Variants in GLB1 observed in about 807,000 individuals in gnomAD.
GLB1 encodes the protein beta-galactosidase.
GLB1 carries 56 observed loss-of-function variants against 74.0 expected under a neutral mutation model. The ratio of observed to expected loss-of-function variants is 0.76; its 90% confidence interval spans 0.61 to 0.94. GLB1 has a LOEUF of 0.94. GLB1 is among the 40% of genes least tolerant of loss of function. The pLI is 0.00. For synonymous variants in GLB1, 323 were observed against 323.6 expected, an observed-to-expected ratio of 1.00 and a Z score of 0.02; for missense variants, 787 against 845.5, an observed-to-expected ratio of 0.93 and a Z score of 0.86.
chr3:33,096,772 G>A (rs1300817754), intron 1 of GLB1: 1 of 1,326,750 alleles, frequency 7.5e-7, no homozygotes. Context: ...GCAAAGGGCG[G>A]CCGGAGCGGA....
intron 1 of GLB1, among the ~76,000 whole-genome samples, chr3:33,076,207 C>T (rs937645014): frequency 6.6e-5 from 10 of 152,244 alleles, no homozygotes; most frequent in South Asian, 2.1e-4. Context: ...TAGGATAAAG[C>T]GAAGTTAGCC....
chr3:33,093,678 G>C lies in GLB1; in HGVS notation c.75+3333C>G. 1.9e-6 allele frequency: 3 copies of C among 1,614,116 alleles called. No homozygotes were observed. Among genetic ancestry groups the C allele is most frequent in the Non-Finnish European group, 2.5e-6 (3 of 1,180,024 alleles). On this transcript the variant is annotated intron_variant, in intron 1 of 15. Coordinates refer to ENST00000307363, the MANE Select transcript of GLB1 (RefSeq NM_000404.4). The surrounding 1 kb of genome is among the most constrained non-coding windows in gnomAD (Gnocchi z 6.0). ...AATCCCGGCCACGCTGAGCACAGCA[G>C]TCACTCCCACTGCCAGGGCAGGCCT...
Position 33,052,008 on chromosome 3 carries a change from A to T in GLB1, c.793-4T>A. ...CAGTATAGAATTCAGAATTGATCTAAAACAAAAAAAGAACGTAGCCCTTAG... is the reference window on the plus strand; with the variant it reads ...CAGTATAGAATTCAGAATTGATCTATAACAAAAAAAGAACGTAGCCCTTAG... On this transcript the variant is annotated splice_polypyrimidine_tract_variant and splice_region_variant and intron_variant, in intron 7 of 15. Transcript: ENST00000307363. 6.2e-7 allele frequency: 1 copy of T among 1,614,028 alleles called. No individual in the cohort carries two copies. The highest frequency in any genetic ancestry group is 8.5e-7 in the Non-Finnish European group (1 of 1,180,026).
At chr3:33,002,651 C>T (rs1313498420) in intron 15 of GLB1, among the ~76,000 whole-genome samples, 1 of 152,160 alleles carries the variant, frequency 6.6e-6, no homozygotes, top group Non-Finnish European at 1.5e-5. Context: ...TCAAGTGATC[C>T]TCCTGCTTTC....
At chr3:32,980,707 G>A in the GLB1 span, among the ~76,000 whole-genome samples, 5 of 152,102 alleles carry the variant, frequency 3.3e-5, no homozygotes, top group Non-Finnish European at 5.9e-5. Flanking sequence ...CTTGAACCCA[G>A]GAGGTGGAGG....
chr3:33,017,882 G>A (rs146679468), intron 13 of GLB1, among the ~76,000 whole-genome samples: 26 of 152,224 alleles, frequency 1.7e-4, no homozygotes, highest in African/African-American at 5.1e-4. Context: ...AGAGGGTGGC[G>A]CATCAAGCAC....
At chr3:33,081,767 G>A (rs1700331201) in intron 1 of GLB1, among the ~76,000 whole-genome samples, 1 of 152,220 alleles carries the variant, frequency 6.6e-6, no homozygotes, top group South Asian at 2.1e-4. Context: ...GTGCTGACCT[G>A]TGGACCAGGA....
the GLB1 span, among the ~76,000 whole-genome samples, chr3:32,977,989 TTTCTC>T: frequency 6.6e-6 from 1 of 152,220 alleles, no homozygotes; most frequent in East Asian, 1.9e-4. Context: ...AGCAGGGGCA[TTTCTC>T]TTCTCTTTTG....
chr3:33,044,213 ATTGG>A (rs1698650952), intron 10 of GLB1, among the ~76,000 whole-genome samples: 1 of 152,192 alleles, frequency 6.6e-6, no homozygotes, highest in African/African-American at 2.4e-5. Context: ...CTTTCAAGGG[ATTGG>A]TATCACAGAC....
chr3:33,040,765 G>A (rs1248587571), intron 10 of GLB1, among the ~76,000 whole-genome samples: 1 of 152,150 alleles, frequency 6.6e-6, no homozygotes, highest in Non-Finnish European at 1.5e-5. Flanking sequence ...ATACTGAAAT[G>A]ATCAAATAGA....
At chr3:32,991,440 T>C in the GLB1 span, among the ~76,000 whole-genome samples, 1 of 152,184 alleles carries the variant, frequency 6.6e-6, no homozygotes, top group Non-Finnish European at 1.5e-5. Context: ...TGTGATGATT[T>C]CTTAAAAATG....
intron 10 of GLB1, among the ~76,000 whole-genome samples, chr3:33,028,687 C>T (rs756042311): frequency 1.5e-4 from 21 of 144,492 alleles, no homozygotes; most frequent in Admixed American, 8.4e-4. Flanking sequence ...TTTTTTGATA[C>T]GGAGTTTCGC....
intron 10 of GLB1, among the ~76,000 whole-genome samples, chr3:33,039,530 G>A (rs1168911783): frequency 2.0e-5 from 3 of 152,024 alleles, no homozygotes; most frequent in Non-Finnish European, 4.4e-5. Flanking sequence ...GTTGAAAAGA[G>A]GATTAATAAA....
the GLB1 span, among the ~76,000 whole-genome samples, chr3:32,971,699 A>G: frequency 6.6e-6 from 1 of 152,200 alleles, no homozygotes; most frequent in Non-Finnish European, 1.5e-5. Context: ...CTAGGGCAAC[A>G]GTATTATGAT....
chr3:33,075,383 C>A (rs976244756), intron 1 of GLB1, among the ~76,000 whole-genome samples: 1 of 152,164 alleles, frequency 6.6e-6, no homozygotes, highest in African/African-American at 2.4e-5. Context: ...TGGTGGGAGA[C>A]AATGGAATCT....
Position 33,068,955 on chromosome 3 carries a change from G to A in GLB1, c.261C>T (p.Asn87=), listed in dbSNP as rs1343653430. 1 of 1,614,028 alleles carries A rather than the reference G, an allele frequency of 6.2e-7. No individual in the cohort carries two copies. Among genetic ancestry groups the A allele is most frequent in the Non-Finnish European group, 8.5e-7 (1 of 1,180,030 alleles). The part of the protein sequence containing the change: ...LNAIQTYVPW[N]FHEPWPGQYQ... Reference sequence around the variant, plus strand: ...ACTGTCCTGGCCAGGGCTCATGAAAGTTCCAGGGCACATACCTGCCAAGAC... The same window carrying A: ...ACTGTCCTGGCCAGGGCTCATGAAAATTCCAGGGCACATACCTGCCAAGAC... Residue 87 remains asparagine (N), a synonymous_variant, in exon 3 of 16, where the codon AAC becomes AAT. Transcript: ENST00000307363.
chr3:33,088,014 A>G (rs1313329432), intron 1 of GLB1, among the ~76,000 whole-genome samples: 1 of 152,224 alleles, frequency 6.6e-6, no homozygotes, highest in Non-Finnish European at 1.5e-5. Context: ...AAACCACATG[A>G]TAATCTAAAT....
At chr3:33,095,158 C>T (rs1424833947) in intron 1 of GLB1, among the ~76,000 whole-genome samples, 2 of 133,606 alleles carry the variant, frequency 1.5e-5, no homozygotes, top group Admixed American at 1.7e-4. Context: ...TTGTAGTGAG[C>T]CAAGATCGTG....
At chr3:32,974,060 C>T in the GLB1 span, among the ~76,000 whole-genome samples, 1 of 152,190 alleles carries the variant, frequency 6.6e-6, no homozygotes, top group South Asian at 2.1e-4. Context: ...AGCTGTAGGC[C>T]TTGTTAGGCT....
Sources: gnomAD v4.1 joint callset for allele counts (sites outside exome capture counted in the v4.1 genomes callset) on GRCh38, gnomAD v4.1.1 for gene constraint, Gnocchi (gnomAD v3.1) non-coding constraint, MANE v1.5 for transcripts, NCBI Gene and HGNC (gene_info 2026-07-23, HGNC 2026-07-21) for gene names.